The following CPLX2 variants were observed in gnomAD, a reference collection of about 807,000 sequenced individuals.
CPLX2 encodes complexin-2.
In CPLX2, 5 loss-of-function variants were observed where a neutral mutation model predicts 16.3. The observed-to-expected ratio is 0.31, with a 90% CI of 0.16 to 0.64. The LOEUF is 0.64. Among genes scored for constraint, CPLX2 ranks in the 30% least tolerant of loss-of-function variants. The pLI is 0.79. For synonymous variants in CPLX2, 89 were observed against 73.2 expected, an observed-to-expected ratio of 1.22 and a Z score of -1.10; for missense variants, 144 against 181.4, an observed-to-expected ratio of 0.79 and a Z score of 1.18.
chr5:175,838,181 T>C (rs929105339), intron 2 of CPLX2, among the ~76,000 whole-genome samples: 2 of 151,384 alleles, frequency 1.3e-5, no homozygotes, highest in African/African-American at 4.9e-5. Context: ...TAATGGGTCC[T>C]GGGGCAGACA....
intron 2 of CPLX2, among the ~76,000 whole-genome samples, chr5:175,831,100 C>CTGTG (rs59852410): frequency 3.1e-4 from 47 of 150,672 alleles, no homozygotes; most frequent in East Asian, 7.8e-4. Context: ...CAGCTTGCCT[C>CTGTG]TGTGTGTGTG....
intron 2 of CPLX2, among the ~76,000 whole-genome samples, chr5:175,842,611 T>C (rs57541825): frequency 0.027 from 4,156 of 152,314 alleles, 184 homozygotes; most frequent in African/African-American, 0.095. Flanking sequence ...AGGACGGCCA[T>C]GGGGCCTGCA....
chr5:175,855,592 CT>C (rs1488999449), intron 2 of CPLX2, among the ~76,000 whole-genome samples: 2 of 152,194 alleles, frequency 1.3e-5, no homozygotes, highest in African/African-American at 4.8e-5. Flanking sequence ...CTATCAGCAC[CT>C]CTTCTGGCGT....
At chr5:175,817,040 A>G (rs1035846072) in intron 2 of CPLX2, among the ~76,000 whole-genome samples, 1 of 152,254 alleles carries the variant, frequency 6.6e-6, no homozygotes, top group African/African-American at 2.4e-5. Context: ...ACGCCAGTGC[A>G]CTCGGGGATA....
intron 2 of CPLX2, among the ~76,000 whole-genome samples, chr5:175,840,384 T>C (rs1274599966): frequency 6.6e-6 from 1 of 152,220 alleles, no homozygotes; most frequent in Non-Finnish European, 1.5e-5. Context: ...GCGTCTTTTC[T>C]TCAGGTATTT....
chr5:175,824,344 T>C (rs529941832), intron 2 of CPLX2, among the ~76,000 whole-genome samples: 2 of 152,284 alleles, frequency 1.3e-5, no homozygotes, highest in South Asian at 4.1e-4. Context: ...CTAAGAAATA[T>C]AGCAAGCAAT....
chr5:175,837,850 G>A (rs1373319192), intron 2 of CPLX2: 2 of 152,182 alleles, frequency 1.3e-5, no homozygotes, highest in African/African-American at 2.4e-5. Context: ...CAAGCCACGG[G>A]GCCGGACACT....
intron 1 of CPLX2, among the ~76,000 whole-genome samples, chr5:175,804,985 T>A (rs969814302): frequency 6.6e-6 from 1 of 152,204 alleles, no homozygotes; most frequent in South Asian, 2.1e-4. Context: ...TTTGTTCACA[T>A]GTAAAATGGG....
intron 1 of CPLX2, among the ~76,000 whole-genome samples, chr5:175,802,211 C>T (rs1280009036): frequency 6.6e-6 from 1 of 152,142 alleles, no homozygotes; most frequent in African/African-American, 2.4e-5. Context: ...AATGGTGAAA[C>T]CAGTCTCAGG....
At chr5:175,874,077 G>T (rs150808832) in intron 1 of CPLX2, among the ~76,000 whole-genome samples, 11 of 152,198 alleles carry the variant, frequency 7.2e-5, no homozygotes, top group Non-Finnish European at 1.5e-4. Context: ...ACAAGGACTC[G>T]TATCAGTTTA....
intron 1 of CPLX2, among the ~76,000 whole-genome samples, chr5:175,801,178 T>C (rs1251056945): frequency 2.4e-5 from 2 of 81,874 alleles, no homozygotes; most frequent in African/African-American, 4.0e-5. Flanking sequence ...AAAAAAAAAC[T>C]GGGTTTTAAA....
intron 2 of CPLX2, among the ~76,000 whole-genome samples, chr5:175,835,728 CTTTTTTTTTTTTTTTT>C (rs71575283): frequency 1.3e-4 from 7 of 54,770 alleles, no homozygotes; most frequent in Admixed American, 5.0e-4. Context: ...TATTTATTTA[CTTTTTTTTTTTTTTTT>C]TTTTTTTTTT....
intron 2 of CPLX2, among the ~76,000 whole-genome samples, chr5:175,851,107 A>G (rs950360880): frequency 1.3e-5 from 2 of 152,008 alleles, no homozygotes; most frequent in African/African-American, 4.8e-5. Context: ...GGCTCAGGGC[A>G]TCTTGCGTGT....
At chr5:175,863,263 G>C (rs1263297485) in intron 2 of CPLX2, among the ~76,000 whole-genome samples, 1 of 152,156 alleles carries the variant, frequency 6.6e-6, no homozygotes, top group African/African-American at 2.4e-5. Context: ...CGCCATATAG[G>C]GTGCCCTAGC....
rs921478830 is a variant in CPLX2, at chr5:175,796,996, G to T, written c.-169+212G>T. 3.9e-5 allele frequency among the ~76,000 whole-genome samples: 6 copies of T among 152,336 alleles called. No individual in the cohort carries two copies. In the East Asian group the frequency reaches 1.2e-3, roughly 29 times the overall value. On this transcript the variant is annotated intron_variant, in intron 1 of 4. Transcript: ENST00000359546. The stretch of plus-strand genomic sequence containing the variant: ...GGGCTTCTCGCTCCAGCACCATCTC[G>T]GGGACAGCTCCCGCGCCGCACCGGG...
chr5:175,805,239 T>C (rs2113626500), intron 1 of CPLX2, among the ~76,000 whole-genome samples: 1 of 152,306 alleles, frequency 6.6e-6, no homozygotes, highest in African/African-American at 2.4e-5. Flanking sequence ...CTAATAACCC[T>C]TTTGAGTAAG....
At chr5:175,864,523 C>A (rs1301367831) in intron 2 of CPLX2, among the ~76,000 whole-genome samples, 1 of 152,196 alleles carries the variant, frequency 6.6e-6, no homozygotes, top group Non-Finnish European at 1.5e-5. Flanking sequence ...CCACTTGCTT[C>A]TGAGTGCTTC....
At chr5:175,827,706 G>A (rs750762103) in intron 2 of CPLX2, among the ~76,000 whole-genome samples, 1 of 152,182 alleles carries the variant, frequency 6.6e-6, no homozygotes, top group Non-Finnish European at 1.5e-5. Context: ...GTTGCAGTGA[G>A]CTGAGATCAC....
intron 2 of CPLX2, among the ~76,000 whole-genome samples, chr5:175,826,449 A>G (rs893351818): frequency 3.3e-5 from 5 of 151,406 alleles, no homozygotes; most frequent in African/African-American, 1.2e-4. Context: ...CAGCATGAGC[A>G]TACCTGGGGT....
Sources: allele counts gnomAD v4.1 joint callset (sites outside exome capture counted in the v4.1 genomes callset), GRCh38; gene constraint gnomAD v4.1.1; transcripts MANE v1.5; gene names NCBI Gene and HGNC (gene_info 2026-07-23, HGNC 2026-07-21).